Variants in NSMCE2 observed in about 807,000 individuals in gnomAD.
NSMCE2 encodes the protein NSE2 SUMO ligase component of SMC5/6 complex.
Under a neutral mutation model 23.8 loss-of-function variants are expected in NSMCE2, and 24 were observed. That is an observed-to-expected ratio of 1.01 (90% CI 0.73 to 1.42). The LOEUF (loss-of-function observed/expected upper bound fraction) is 1.42, where lower values mean the gene tolerates loss of function less well. Ranked by LOEUF, NSMCE2 falls within the 40% of genes most tolerant of loss-of-function variation. The pLI, the probability that NSMCE2 is intolerant of heterozygous loss-of-function variation, is 0.00. For missense variants in NSMCE2, 284 were observed against 296.5 expected, an observed-to-expected ratio of 0.96 and a Z score of 0.31; for synonymous variants, 92 against 94.1, an observed-to-expected ratio of 0.98 and a Z score of 0.13.
intron 5 of NSMCE2, among the ~76,000 whole-genome samples, chr8:125,187,539 G>A (rs550989777): frequency 6.6e-6 from 1 of 152,234 alleles, no homozygotes; most frequent in Admixed American, 6.5e-5. Context: ...TTAACATCAG[G>A]AGAACTTAAT....
chr8:125,274,801 A>G (rs1212746073), intron 5 of NSMCE2, among the ~76,000 whole-genome samples: 1 of 151,832 alleles, frequency 6.6e-6, no homozygotes, highest in Non-Finnish European at 1.5e-5. Flanking sequence ...ATGGTGGCGC[A>G]CGCCTGTAAT....
intron 5 of NSMCE2, among the ~76,000 whole-genome samples, chr8:125,184,677 A>C (rs554575458): frequency 4.6e-5 from 7 of 152,236 alleles, no homozygotes; most frequent in Non-Finnish European, 8.8e-5. Flanking sequence ...AGTATTATTA[A>C]TATAATACTT....
chr8:125,317,161 T>A (rs1829241906), intron 5 of NSMCE2, among the ~76,000 whole-genome samples: 1 of 151,700 alleles, frequency 6.6e-6, no homozygotes. Context: ...GGGAAAAAAA[T>A]AAGACTATGA....
At chr8:125,145,418 A>G (rs772562896) in intron 3 of NSMCE2, among the ~76,000 whole-genome samples, 1 of 152,142 alleles carries the variant, frequency 6.6e-6, no homozygotes, top group African/African-American at 2.4e-5. Flanking sequence ...TTATTGTACT[A>G]ACTTCTTGCA....
In NSMCE2 at chr8:125,263,842, C is replaced by T. The variant is rs146346018; in HGVS notation, c.418+81586C>T. On this transcript the variant is annotated intron_variant, in intron 5 of 7. Transcript: ENST00000287437. ...CAGGAATCCCTCTCAAATATCAGCT[C>T]TAGCGTGTAAAGAGAGATTTTTGTG... Among the ~76,000 whole-genome samples, 584 of 152,028 alleles carry T rather than the reference C, an allele frequency of 3.8e-3. 4 individuals carry two copies. Among genetic ancestry groups the T allele is most frequent in the African/African-American group, 0.014 (565 of 41,344 alleles).
At chr8:125,264,573 AT>A (rs1322290991) in intron 5 of NSMCE2, among the ~76,000 whole-genome samples, 1 of 152,058 alleles carries the variant, frequency 6.6e-6, no homozygotes, top group Non-Finnish European at 1.5e-5. Context: ...CGCCCTGCTA[AT>A]TTTTGTATTT....
intron 5 of NSMCE2, among the ~76,000 whole-genome samples, chr8:125,269,618 A>G (rs1206349523): frequency 2.0e-5 from 3 of 152,208 alleles, no homozygotes; most frequent in Non-Finnish European, 4.4e-5. Flanking sequence ...ATAGCTTTCT[A>G]CAAGATCATT....
At chr8:125,190,416 C>A (rs1823295759) in intron 5 of NSMCE2, among the ~76,000 whole-genome samples, 1 of 152,096 alleles carries the variant, frequency 6.6e-6, no homozygotes, top group Non-Finnish European at 1.5e-5. Flanking sequence ...ACAGACGGTG[C>A]CAAGGATGAA....
chr8:125,154,441 A>C (rs892293141), intron 4 of NSMCE2, among the ~76,000 whole-genome samples: 3 of 151,456 alleles, frequency 2.0e-5, no homozygotes, highest in African/African-American at 7.3e-5. Flanking sequence ...TCAAGAAAAC[A>C]GGGCTACTAT....
chr8:125,106,973 G>A (rs1818493063), intron 3 of NSMCE2, among the ~76,000 whole-genome samples: 1 of 151,330 alleles, frequency 6.6e-6, no homozygotes. Context: ...TCCAGCCTAA[G>A]TGAAAGGGCA....
At chr8:125,277,375 A>G (rs1411145748) in intron 5 of NSMCE2, among the ~76,000 whole-genome samples, 1 of 152,222 alleles carries the variant, frequency 6.6e-6, no homozygotes, top group Non-Finnish European at 1.5e-5. Context: ...TGACTAAATA[A>G]TATGGTACTT....
chr8:125,333,546 G>A (rs1314105366), intron 5 of NSMCE2, among the ~76,000 whole-genome samples: 16 of 88,206 alleles, frequency 1.8e-4, no homozygotes, highest in Non-Finnish European at 3.2e-4. Context: ...ACGGAGTCTC[G>A]CTCTGTCGCC....
rs893711377 is a variant in NSMCE2 at position 125,228,024 on chromosome 8, G to A, written c.418+45768G>A. ...TGTTACATGCACTGGTTGTCTTTCA[G>A]TGGATAGCAGTTGATATTGTCAATT... On this transcript the variant is annotated intron_variant, in intron 5 of 7. Transcript: ENST00000287437. 5.1e-4 allele frequency among the ~76,000 whole-genome samples: 77 copies of A among 152,220 alleles called. 1 individual carries two copies. The highest frequency in any genetic ancestry group is 1.8e-3 in the African/African-American group (75 of 41,558).
At chr8:125,333,538 G>A (rs1315617515) in intron 5 of NSMCE2, among the ~76,000 whole-genome samples, 4 of 50,156 alleles carry the variant, frequency 8.0e-5, no homozygotes, top group Non-Finnish European at 1.1e-4. Context: ...TTTTTGAGAC[G>A]GAGTCTCGCT....
chr8:125,295,852 C>T (rs1363865846), intron 5 of NSMCE2, among the ~76,000 whole-genome samples: 1 of 152,156 alleles, frequency 6.6e-6, no homozygotes, highest in Non-Finnish European at 1.5e-5. Flanking sequence ...ATTCTATTGA[C>T]TAAAATATTA....
In NSMCE2 at chr8:125,102,476, T is replaced by C; in HGVS notation, c.146T>C (p.Val49Ala). The change falls in exon 3 of 8, where the codon GTG becomes GCG. Residue 49 changes from valine (V) to alanine (A), a missense_variant. Coordinates refer to ENST00000287437, the MANE Select transcript of NSMCE2 (RefSeq NM_173685.4). ...DTASSVALDL[V>A]ESQTEVSSEY... ...GCTTCTAGTGTTGCTTTGGATCTTG[T>C]GGAAAGTCAGAGTAAGTAAAATTAA... is the stretch of plus-strand genomic sequence containing the variant. 1 of 1,613,808 alleles carries C rather than the reference T, an allele frequency of 6.2e-7. No individual in the cohort carries two copies. Among genetic ancestry groups the C allele is most frequent in the Non-Finnish European group, 8.5e-7 (1 of 1,179,724 alleles).
chr8:125,173,801 G>A (rs192228048), intron 4 of NSMCE2, among the ~76,000 whole-genome samples: 1 of 152,316 alleles, frequency 6.6e-6, no homozygotes. Context: ...GGAGGCACAA[G>A]CAAAGTAAAA....
chr8:125,133,271 G>A (rs1354784315), intron 3 of NSMCE2, among the ~76,000 whole-genome samples: 1 of 152,158 alleles, frequency 6.6e-6, no homozygotes, highest in Non-Finnish European at 1.5e-5. Flanking sequence ...GGATATTTAA[G>A]TAGAAAAGTT....
At chr8:125,207,597 T>C (rs1824164856) in intron 5 of NSMCE2, among the ~76,000 whole-genome samples, 1 of 152,330 alleles carries the variant, frequency 6.6e-6, no homozygotes, top group South Asian at 2.1e-4. Context: ...AGTTTCCAGC[T>C]CTCTTAGTTT....
Sources: allele counts gnomAD v4.1 joint callset (sites outside exome capture counted in the v4.1 genomes callset), GRCh38; gene constraint gnomAD v4.1.1; transcripts MANE v1.5; gene names NCBI Gene and HGNC (gene_info 2026-07-23, HGNC 2026-07-21).